The following VAT1L variants were observed in gnomAD, a reference collection of about 807,000 sequenced individuals.
VAT1L encodes the protein vesicle amine transport 1 like, also known as putative NADPH-dependent quinone oxidoreductase VAT1L.
In VAT1L, 34 loss-of-function variants were observed where a neutral mutation model predicts 44.1. The observed-to-expected ratio is 0.77, with a 90% CI of 0.59 to 1.03. The LOEUF (loss-of-function observed/expected upper bound fraction) is 1.03. Among genes scored for constraint, VAT1L ranks in the 50% least tolerant of loss-of-function variants. The probability of loss-of-function intolerance (pLI) is 0.00; values close to 1 mark genes in which losing one functional copy is unlikely to be tolerated. For synonymous variants in VAT1L, 253 were observed against 202.2 expected, an observed-to-expected ratio of 1.25 and a Z score of -2.13; for missense variants, 615 against 538.8, an observed-to-expected ratio of 1.14 and a Z score of -1.40.
intron 7 of VAT1L, among the ~76,000 whole-genome samples, chr16:77,903,420 T>G (rs902015468): frequency 6.6e-6 from 1 of 152,220 alleles, no homozygotes; most frequent in Non-Finnish European, 1.5e-5. Flanking sequence ...ACAGTCTTCC[T>G]GATCCTTAGT....
chr16:77,857,896 C>T (rs1257565207), intron 3 of VAT1L, among the ~76,000 whole-genome samples: 3 of 149,906 alleles, frequency 2.0e-5, no homozygotes, highest in Admixed American at 6.7e-5. Flanking sequence ...TGAAGTTCTG[C>T]TTCAGTCAGA....
intron 7 of VAT1L, among the ~76,000 whole-genome samples, chr16:77,937,494 A>G (rs2017816688): frequency 6.7e-6 from 1 of 149,852 alleles, no homozygotes; most frequent in Non-Finnish European, 1.5e-5. Flanking sequence ...TTCCCCCACT[A>G]CCTCCCTTTG....
At chr16:77,822,203 T>C (rs993546561) in intron 2 of VAT1L, among the ~76,000 whole-genome samples, 1 of 152,160 alleles carries the variant, frequency 6.6e-6, no homozygotes, top group African/African-American at 2.4e-5. Context: ...GGTGCGATCC[T>C]GGCTCACTGC....
rs10689119 is a variant in VAT1L, at chr16:77,805,865, CTTTT to C, written c.234-11044_234-11041del. 4.9e-4 allele frequency among the ~76,000 whole-genome samples: 39 copies of C among 78,860 alleles called. 4 individuals are homozygous for C. The highest frequency in any genetic ancestry group is 1.4e-3 in the African/African-American group (38 of 27,056). The allele number at this position is 78,860 out of a possible 152,430, so 51.7% of individuals were successfully genotyped here. A position where few individuals can be genotyped will look rare whatever the true frequency, so the allele number is the denominator to read the frequency against. ...GTGTTATTTTTTCCTTAGTCTCTGC[CTTTT>C]TTTTTTTTTTTGAGATGGAGTCTTG... On this transcript the variant is annotated intron_variant, in intron 1 of 8. Transcript: ENST00000302536.
intron 1 of VAT1L, among the ~76,000 whole-genome samples, chr16:77,804,217 A>G (rs1307647790): frequency 3.3e-5 from 5 of 152,334 alleles, no homozygotes; most frequent in African/African-American, 7.2e-5. Context: ...GCCTTGGTCA[A>G]CATCAAACAT....
chr16:77,946,279 C>CTT lies in VAT1L; in HGVS notation c.1078-25550_1078-25549dup, dbSNP rs66461822. Among the ~76,000 whole-genome samples the CTT allele has an allele frequency of 3.3e-4, 23 of 70,406 alleles. 7 individuals carry two copies. Among genetic ancestry groups the CTT allele is most frequent in the Non-Finnish European group, 5.1e-4 (20 of 39,594 alleles). 46.2% of individuals were successfully genotyped at this position (70,406 alleles called of 152,430 possible). ...GTTCTGGACATCTAGGTTACTTGTT[C>CTT]TTTTTTTTTTTTTTTTTTTTTTGAG... On this transcript the variant is annotated intron_variant, in intron 7 of 8. Transcript: ENST00000302536.
chr16:77,840,437 G>C (rs916787616), intron 3 of VAT1L, among the ~76,000 whole-genome samples: 13 of 152,210 alleles, frequency 8.5e-5, no homozygotes, highest in African/African-American at 3.1e-4. Flanking sequence ...AAAGCTAGTA[G>C]TTAGAGTATC....
chr16:77,788,956 CGCTGGGCGCTGG>C, intron 1 of VAT1L, 41 bp downstream of exon 1: 1 of 1,434,142 alleles, frequency 7.0e-7, no homozygotes, highest in Non-Finnish European at 9.1e-7. Context: ...TCTTTTTGCG[CGCTGGGCGCTGG>C]GGAGGGGGTG....
intron 3 of VAT1L, among the ~76,000 whole-genome samples, chr16:77,861,402 G>C (rs564716208): frequency 6.6e-6 from 1 of 152,268 alleles, no homozygotes; most frequent in South Asian, 2.1e-4. Flanking sequence ...ACTGAAAAAC[G>C]ATATGGAAAA....
intron 7 of VAT1L, among the ~76,000 whole-genome samples, chr16:77,890,703 G>T (rs889141332): frequency 5.3e-5 from 8 of 149,956 alleles, no homozygotes; most frequent in African/African-American, 2.0e-4. Flanking sequence ...TGGGCAGATT[G>T]CTTGAGCCCA....
At chr16:77,888,288 C>T (rs953885444) in intron 7 of VAT1L, among the ~76,000 whole-genome samples, 6 of 152,162 alleles carry the variant, frequency 3.9e-5, no homozygotes, top group Non-Finnish European at 2.9e-5. Context: ...ACTGTTGCCT[C>T]CCTTCCACTA....
intron 3 of VAT1L, among the ~76,000 whole-genome samples, chr16:77,838,146 T>C (rs1257155748): frequency 2.6e-5 from 4 of 152,210 alleles, no homozygotes; most frequent in Admixed American, 6.5e-5. Context: ...TTTAGCTCTA[T>C]AGTTCTGGCC....
chr16:77,909,636 CAAA>C (rs35074692), intron 7 of VAT1L, among the ~76,000 whole-genome samples: 110 of 87,300 alleles, frequency 1.3e-3, no homozygotes, highest in East Asian at 2.0e-3. Context: ...GACTCTGTCT[CAAA>C]AAAAAAAAAA....
intron 3 of VAT1L, among the ~76,000 whole-genome samples, chr16:77,841,568 C>G (rs2016706346): frequency 6.6e-6 from 1 of 152,220 alleles, no homozygotes; most frequent in South Asian, 2.1e-4. Context: ...AAATGTCAGA[C>G]TTTGTCCACG....
intron 7 of VAT1L, among the ~76,000 whole-genome samples, chr16:77,944,002 C>A (rs569076552): frequency 3.3e-5 from 5 of 152,194 alleles, no homozygotes; most frequent in Admixed American, 1.3e-4. Flanking sequence ...CCTCCAACCT[C>A]CCATTTCTAA....
chr16:77,931,872 T>C (rs1597105102), intron 7 of VAT1L, among the ~76,000 whole-genome samples: 2 of 152,212 alleles, frequency 1.3e-5, no homozygotes, highest in South Asian at 4.1e-4. Flanking sequence ...TATGTGAACT[T>C]TGACTTGCTA....
At chr16:77,925,705 G>A (rs1431844044) in intron 7 of VAT1L, among the ~76,000 whole-genome samples, 2 of 152,142 alleles carry the variant, frequency 1.3e-5, no homozygotes, top group Admixed American at 6.5e-5. Context: ...GTAAAATCTA[G>A]AGAGACTACA....
At chr16:77,926,970 A>G (rs768516929) in intron 7 of VAT1L, among the ~76,000 whole-genome samples, 2 of 152,158 alleles carry the variant, frequency 1.3e-5, no homozygotes, top group African/African-American at 2.4e-5. Context: ...ACATTTACAT[A>G]TGCTACCTCT....
intron 1 of VAT1L, among the ~76,000 whole-genome samples, chr16:77,794,532 A>G (rs2015893450): frequency 6.6e-6 from 1 of 152,244 alleles, no homozygotes; most frequent in African/African-American, 2.4e-5. Context: ...CAAACCAAGT[A>G]TAAGTTATCC....
Sources: allele counts gnomAD v4.1 joint callset (sites outside exome capture counted in the v4.1 genomes callset), GRCh38; gene constraint gnomAD v4.1.1; transcripts MANE v1.5; gene names NCBI Gene and HGNC (gene_info 2026-07-23, HGNC 2026-07-21).